Variants in ZC3H13 observed in about 807,000 individuals in gnomAD.
ZC3H13 encodes the protein zinc finger CCCH-type containing 13, also known as zinc finger CCCH domain-containing protein 13.
A neutral mutation model predicts 204.1 loss-of-function variants in ZC3H13; 64 were observed. That is an observed-to-expected ratio of 0.31 (90% CI 0.26 to 0.39). The LOEUF (loss-of-function observed/expected upper bound fraction) is 0.39. ZC3H13 is among the 10% of genes least tolerant of loss of function. ZC3H13 has a pLI of 1.00. For synonymous variants in ZC3H13, 667 were observed against 693.7 expected, an observed-to-expected ratio of 0.96 and a Z score of 0.60; for missense variants, 1,833 against 2,082.7, an observed-to-expected ratio of 0.88 and a Z score of 2.33.
chr13:46,026,485 C>G (rs1182026851), intron 4 of ZC3H13, among the ~76,000 whole-genome samples: 1 of 151,464 alleles, frequency 6.6e-6, no homozygotes. Context: ...TTTATAGAAC[C>G]TAAAAACCAA....
chr13:45,971,237 T>G lies in ZC3H13; in HGVS notation c.2469-772A>C, dbSNP rs1013505925. 3.3e-5 allele frequency among the ~76,000 whole-genome samples: 5 copies of G among 152,184 alleles called. No individual in the cohort carries two copies. The East Asian group carries it at 9.6e-4, about 29-fold the overall frequency. ...CTTGGGTACTTAAATTATTCTAGTGTTTTCCCCCATTTTCATTAAAATTTG... is the reference window on the plus strand; with the variant it reads ...CTTGGGTACTTAAATTATTCTAGTGGTTTCCCCCATTTTCATTAAAATTTG... On this transcript the variant is annotated intron_variant, in intron 12 of 18. Transcript: ENST00000679008.
At chr13:46,008,851 C>T (rs2041344680) in intron 7 of ZC3H13, among the ~76,000 whole-genome samples, 1 of 152,014 alleles carries the variant, frequency 6.6e-6, no homozygotes, top group Non-Finnish European at 1.5e-5. Flanking sequence ...TTACTGAGCG[C>T]CTTATTAAAA....
chr13:45,976,673 GA>G (rs1436393786), intron 11 of ZC3H13, among the ~76,000 whole-genome samples: 3 of 152,138 alleles, frequency 2.0e-5, no homozygotes, highest in African/African-American at 7.2e-5. Flanking sequence ...CAGTTGAGCA[GA>G]AAATTAGTCT....
In ZC3H13 at chr13:45,985,513, G is replaced by A. The variant is rs760964117; in HGVS notation, c.1504C>T (p.Arg502Cys). Reference protein sequence around the residue: ...SRDPRDSRSTRDAHDYRDREG... With the variant: ...SRDPRDSRSTCDAHDYRDREG... ...CGGTCCCTGTAGTCATGGGCATCACGAGTGGACCGAGAATCTCTGGGATCA... is the reference window on the plus strand; with the variant it reads ...CGGTCCCTGTAGTCATGGGCATCACAAGTGGACCGAGAATCTCTGGGATCA... The change falls in exon 10 of 19, where the codon CGT (arginine) becomes TGT (cysteine). Residue 502 changes from arginine (R) to cysteine (C), a missense_variant. This residue lies in a region of ZC3H13 where 1,574 missense variants were observed against 1,757.2 expected (regional missense o/e 0.90). Transcript: ENST00000679008. The A allele has an allele frequency of 6.8e-6, 11 of 1,614,166 alleles. No individual in the cohort carries two copies. The highest frequency in any genetic ancestry group is 2.2e-5 in the East Asian group (1 of 44,888).
At chr13:46,009,148 GA>G (rs2041365473) in intron 7 of ZC3H13, among the ~76,000 whole-genome samples, 1 of 152,064 alleles carries the variant, frequency 6.6e-6, no homozygotes, top group Non-Finnish European at 1.5e-5. Context: ...AGAGAAATGG[GA>G]AAACTTAAAA....
chr13:46,045,108 G>T, intron 2 of ZC3H13, 44 bp from the exon 3 acceptor site: 1 of 1,358,740 alleles, frequency 7.4e-7, no homozygotes, highest in Non-Finnish European at 1.0e-6. Flanking sequence ...TTTATTTCTG[G>T]AAAAAAAAAA....
intron 11 of ZC3H13, 127 bp from the exon 12 acceptor site, chr13:45,975,965 A>G (rs1392359866): frequency 1.5e-5 from 21 of 1,396,018 alleles, no homozygotes; most frequent in Non-Finnish European, 1.8e-5. Flanking sequence ...ACCAAGTAGC[A>G]TATTTAATTT....
intron 12 of ZC3H13, among the ~76,000 whole-genome samples, chr13:45,973,758 AAG>A (rs1354889187): frequency 6.6e-6 from 1 of 151,538 alleles, no homozygotes; most frequent in Non-Finnish European, 1.5e-5. Flanking sequence ...TTAGAAAATA[AAG>A]AGGTCAGAAA....
chr13:45,974,372 C>T (rs1246390915), intron 12 of ZC3H13, among the ~76,000 whole-genome samples: 2 of 152,128 alleles, frequency 1.3e-5, no homozygotes, highest in East Asian at 3.9e-4. Context: ...CTTTCTGAGA[C>T]TGAAATTAAT....
chr13:46,006,833 T>C (rs1224453467), intron 7 of ZC3H13, among the ~76,000 whole-genome samples: 2 of 150,162 alleles, frequency 1.3e-5, no homozygotes, highest in African/African-American at 4.9e-5. Flanking sequence ...TTATTATCAC[T>C]CATAGCGTTA....
chr13:45,985,526 A>C lies in ZC3H13; in HGVS notation c.1491T>G (p.Asp497Glu). 1.2e-6 allele frequency: 2 copies of C among 1,614,112 alleles called. No homozygotes were observed. The highest frequency in any genetic ancestry group is 1.7e-6 in the Non-Finnish European group (2 of 1,180,042). The change falls in exon 10 of 19, where the codon GAT (aspartate) becomes GAG (glutamate). Residue 497 changes from aspartate to glutamate, a missense_variant. Physicochemically the swap from Asp to Glu is conservative, Grantham distance 45 (BLOSUM62 2). Around this residue, in one of 5 missense-constraint regions of ZC3H13, gnomAD observed 1,574 missense variants for 1,757.2 expected, o/e 0.90. Transcript: ENST00000679008. ...CATGGGCATCACGAGTGGACCGAGA[A>C]TCTCTGGGATCACGGCTCTCTTTGG... ...RDTKESRDPR[D>E]SRSTRDAHDY... is the part of the protein sequence containing the mutation.
intron 17 of ZC3H13, chr13:45,962,770 T>A (rs1951783558): frequency 2.0e-6 from 2 of 985,308 alleles, no homozygotes; most frequent in African/African-American, 3.5e-5. Context: ...TCCAGGGACA[T>A]GACGTAAAAT....
chr13:45,992,089 T>C (rs1399564204), intron 8 of ZC3H13, among the ~76,000 whole-genome samples: 1 of 152,180 alleles, frequency 6.6e-6, no homozygotes, highest in Non-Finnish European at 1.5e-5. Flanking sequence ...TTTAAAATCA[T>C]GTAAAATGTA....
chr13:45,985,789 T>C, intron 9 of ZC3H13, 28 bp from the exon 10 acceptor site: 2 of 1,545,594 alleles, frequency 1.3e-6, no homozygotes, highest in Non-Finnish European at 1.7e-6. Flanking sequence ...AAATTGACTG[T>C]AATTGCTTTT....
chr13:45,978,727 T>A (rs1384073775), intron 11 of ZC3H13, among the ~76,000 whole-genome samples: 1 of 149,928 alleles, frequency 6.7e-6, no homozygotes, highest in African/African-American at 2.5e-5. Flanking sequence ...GATATGAAAA[T>A]AGAAAAAAAG....
At chr13:46,019,151 T>C (rs2042081965) in intron 5 of ZC3H13, among the ~76,000 whole-genome samples, 1 of 152,166 alleles carries the variant, frequency 6.6e-6, no homozygotes, top group Non-Finnish European at 1.5e-5. Context: ...GATGTAACAA[T>C]TACTGGAAAG....
chr13:46,018,227 T>C (rs113523813), intron 5 of ZC3H13, among the ~76,000 whole-genome samples: 1 of 152,210 alleles, frequency 6.6e-6, no homozygotes, highest in Admixed American at 6.5e-5. Flanking sequence ...CATCTCCATT[T>C]ATTCTGCAAT....
intron 9 of ZC3H13, among the ~76,000 whole-genome samples, chr13:45,987,306 G>A (rs1409114556): frequency 6.6e-6 from 1 of 152,074 alleles, no homozygotes; most frequent in Non-Finnish European, 1.5e-5. Context: ...CTTAACACAA[G>A]CATTCCTATG....
chr13:46,039,951 G>A (rs373047342), intron 4 of ZC3H13, among the ~76,000 whole-genome samples: 1 of 152,070 alleles, frequency 6.6e-6, no homozygotes, highest in Admixed American at 6.6e-5. Context: ...CAGAGTAGCG[G>A]TACATTTACT....
Sources: allele counts gnomAD v4.1 joint callset (sites outside exome capture counted in the v4.1 genomes callset), GRCh38; gene constraint gnomAD v4.1.1; regional missense constraint gnomAD v4.1.1; transcripts MANE v1.5; gene names NCBI Gene and HGNC (gene_info 2026-07-23, HGNC 2026-07-21).